Variants in PPP2R5A observed in about 807,000 individuals in gnomAD.
PPP2R5A encodes protein phosphatase 2 regulatory subunit B'alpha, also known as serine/threonine-protein phosphatase 2A 56 kDa regulatory subunit alpha isoform.
Under a neutral mutation model 64.2 loss-of-function variants are expected in PPP2R5A, and 25 were observed. That is an observed-to-expected ratio of 0.39 (90% CI 0.28 to 0.54). The LOEUF is 0.54. PPP2R5A is among the 20% of genes least tolerant of loss of function. The probability of loss-of-function intolerance (pLI) is 0.67; values close to 1 mark genes in which losing one functional copy is unlikely to be tolerated. For missense variants in PPP2R5A, 425 were observed against 576.3 expected (o/e 0.74, Z 2.69); for synonymous variants, 198 against 201.2 (o/e 0.98, Z 0.13).
At chr1:212,342,391 C>A in intron 4 of PPP2R5A, 111 bp downstream of exon 4, 1 of 1,334,614 alleles carries the variant, frequency 7.5e-7, no homozygotes, top group Non-Finnish European at 9.9e-7. Flanking sequence ...AATTTGACAG[C>A]ACTTAATATT....
At position 212,342,248 on chromosome 1, in the gene PPP2R5A, A is replaced by G. The variant is rs1225367278; in HGVS notation, c.541A>G (p.Lys181Glu). 6.2e-7 allele frequency: 1 copy of G among 1,613,668 alleles called. No homozygotes were observed. Residue 181 changes from lysine (K) to glutamate (E), a missense_variant, in exon 4 of 13, where the codon AAA becomes GAA. By Grantham distance (56) the Lys-to-Glu change is moderately conservative. This residue lies in a region of PPP2R5A where 140 missense variants were observed against 204.4 expected (regional missense o/e 0.68). Transcript: ENST00000261461. ...CCCTGATTTCCAGCCTAGCATTGCA[A>G]AACGATACATTGATCAGAAATTCGT... Reference protein sequence around the residue: ...ESPDFQPSIAKRYIDQKFVQQ... With the variant: ...ESPDFQPSIAERYIDQKFVQQ...
At chr1:212,329,020 A>C in intron 1 of PPP2R5A, 115 bp from the exon 2 acceptor site, 1 of 706,912 alleles carries the variant, frequency 1.4e-6, no homozygotes, top group Non-Finnish European at 2.1e-6. Flanking sequence ...CACATTTCTC[A>C]CTAGATTTTT....
chr1:212,339,451 A>T (rs1437556650), intron 3 of PPP2R5A, among the ~76,000 whole-genome samples: 1 of 152,172 alleles, frequency 6.6e-6, no homozygotes, highest in Non-Finnish European at 1.5e-5. Context: ...TGCTGGGATT[A>T]CAGGTGTGAG....
chr1:212,349,822 ATAAT>A (rs1558154143), intron 8 of PPP2R5A, among the ~76,000 whole-genome samples: 2 of 152,238 alleles, frequency 1.3e-5, no homozygotes, highest in African/African-American at 4.8e-5. Context: ...GAGTGAAAAC[ATAAT>A]TAGTTATGAA....
chr1:212,327,040 T>A (rs936308436), intron 1 of PPP2R5A, among the ~76,000 whole-genome samples: 1 of 152,200 alleles, frequency 6.6e-6, no homozygotes, highest in Admixed American at 6.5e-5. Context: ...GGACAGCAAC[T>A]TGAATATAAT....
At chr1:212,286,578 T>C (rs1460974355) in intron 1 of PPP2R5A, among the ~76,000 whole-genome samples, 1 of 152,222 alleles carries the variant, frequency 6.6e-6, no homozygotes, top group African/African-American at 2.4e-5. Flanking sequence ...CTGCACTTCC[T>C]ATCTTGCGTC....
At chr1:212,355,840 G>A (rs1335311594) in intron 8 of PPP2R5A, among the ~76,000 whole-genome samples, 1 of 152,052 alleles carries the variant, frequency 6.6e-6, no homozygotes, top group African/African-American at 2.4e-5. Context: ...GGCCGAGGCT[G>A]GTGGATCACA....
intron 1 of PPP2R5A, among the ~76,000 whole-genome samples, chr1:212,305,787 T>C (rs774618456): frequency 3.7e-4 from 56 of 152,180 alleles, no homozygotes; most frequent in Admixed American, 3.9e-4. Context: ...GACCCTTCTA[T>C]CATTACAAAA....
chr1:212,304,299 C>T (rs900425108), intron 1 of PPP2R5A, among the ~76,000 whole-genome samples: 1 of 152,036 alleles, frequency 6.6e-6, no homozygotes, highest in Non-Finnish European at 1.5e-5. Context: ...TCCTATAATG[C>T]CAGCACTTTG....
intron 2 of PPP2R5A, chr1:212,331,449 A>G (rs1047774610): frequency 6.6e-6 from 1 of 151,486 alleles, no homozygotes; most frequent in Non-Finnish European, 1.5e-5. Context: ...GTTTACATGC[A>G]TGGGCCACCA....
At chr1:212,351,169 CT>C (rs1659873360) in intron 8 of PPP2R5A, among the ~76,000 whole-genome samples, 1 of 151,482 alleles carries the variant, frequency 6.6e-6, no homozygotes, top group African/African-American at 2.4e-5. Context: ...AGTTATTCAG[CT>C]TTTATCTGGT....
At chr1:212,342,047 A>G (rs1659694320) in intron 3 of PPP2R5A, 141 bp from the exon 4 acceptor site, 4 of 1,257,536 alleles carry the variant, frequency 3.2e-6, no homozygotes, top group Non-Finnish European at 1.0e-6. Flanking sequence ...AATTTTTTTT[A>G]TCAACTCATT....
intron 8 of PPP2R5A, among the ~76,000 whole-genome samples, chr1:212,350,826 G>A (rs1422161946): frequency 6.6e-6 from 1 of 151,412 alleles, no homozygotes; most frequent in East Asian, 2.0e-4. Flanking sequence ...AGGAAGACAG[G>A]TGATTTATTT....
At chr1:212,320,888 AG>A (rs1659268544) in intron 1 of PPP2R5A, among the ~76,000 whole-genome samples, 1 of 88,856 alleles carries the variant, frequency 1.1e-5, no homozygotes. Flanking sequence ...AGGGGCGGCC[AG>A]GTAGAGGCGC....
chr1:212,347,338 T>C lies in PPP2R5A; in HGVS notation c.705-9T>C. ...TTTTGATTACATCTTGTCTTTATTT[T>C]AAATTCAGGTTTATATATGAAACAG... is the stretch of plus-strand genomic sequence containing the variant. On this transcript the variant is annotated splice_polypyrimidine_tract_variant and intron_variant, in intron 5 of 12. Coordinates refer to ENST00000261461, the MANE Select transcript of PPP2R5A (RefSeq NM_006243.4). 1.3e-6 allele frequency: 2 copies of C among 1,546,592 alleles called. No individual in the cohort carries two copies. Among genetic ancestry groups the C allele is most frequent in the Non-Finnish European group, 1.8e-6 (2 of 1,125,288 alleles).
At chr1:212,326,058 G>C (rs994480769) in intron 1 of PPP2R5A, among the ~76,000 whole-genome samples, 5 of 152,122 alleles carry the variant, frequency 3.3e-5, no homozygotes, top group Admixed American at 3.3e-4. Flanking sequence ...AGCAGATTCT[G>C]CTTAGAATGA....
At chr1:212,326,911 TTAA>T (rs907547033) in intron 1 of PPP2R5A, among the ~76,000 whole-genome samples, 4 of 152,248 alleles carry the variant, frequency 2.6e-5, no homozygotes, top group African/African-American at 7.2e-5. Flanking sequence ...GTAAAATTAT[TTAA>T]TAATAATTGA....
At chr1:212,331,917 G>A (rs1012551220) in intron 2 of PPP2R5A, among the ~76,000 whole-genome samples, 1 of 152,170 alleles carries the variant, frequency 6.6e-6, no homozygotes, top group African/African-American at 2.4e-5. Flanking sequence ...TAATATCTAA[G>A]TAATACTTGA....
At chr1:212,348,844 T>C (rs537480102) in intron 7 of PPP2R5A, among the ~76,000 whole-genome samples, 3 of 152,330 alleles carry the variant, frequency 2.0e-5, no homozygotes, top group African/African-American at 7.2e-5. Context: ...TCTCTTCTAT[T>C]AATATTTAGA....
Sources: allele counts gnomAD v4.1 joint callset (sites outside exome capture counted in the v4.1 genomes callset), GRCh38; gene constraint gnomAD v4.1.1; regional missense constraint gnomAD v4.1.1; transcripts MANE v1.5; gene names NCBI Gene and HGNC (gene_info 2026-07-23, HGNC 2026-07-21).